HS1BP3: variants seen among roughly 807,000 people sequenced by gnomAD.
HS1BP3 encodes the protein HCLS1 binding protein 3, also known as HCLS1-binding protein 3.
A neutral mutation model predicts 33.5 loss-of-function variants in HS1BP3; 32 were observed. The observed-to-expected ratio is 0.95, with a 90% CI of 0.72 to 1.28. The LOEUF (loss-of-function observed/expected upper bound fraction) is 1.28. HS1BP3 is among the 50% of genes most tolerant of loss of function. The pLI is 0.00. For missense variants in HS1BP3, 486 were observed against 502.3 expected (o/e 0.97, Z 0.31); for synonymous variants, 187 against 209.2 (o/e 0.89, Z 0.92).
chr2:20,569,349 T>A (rs1014661590), intron 5 of HS1BP3, among the ~76,000 whole-genome samples: 30 of 152,322 alleles, frequency 2.0e-4, no homozygotes, highest in South Asian at 8.3e-4. Flanking sequence ...GCTGGGGCTT[T>A]TGTTGTTTTA....
chr2:20,598,386 G>A (rs1192189166), intron 2 of HS1BP3: 1 of 208,334 alleles, frequency 4.8e-6, no homozygotes, highest in Non-Finnish European at 1.1e-5. Context: ...ACTCCTGTGA[G>A]AATCTAATGC....
At chr2:20,615,849 C>T (rs374858222), downstream of HS1BP3, among the ~76,000 whole-genome samples, 6 of 152,190 alleles carry the variant, frequency 3.9e-5, no homozygotes, top group South Asian at 6.2e-4. Flanking sequence ...CAGAGGAGCC[C>T]GTGGGGCACA....
chr2:20,560,353 G>A (rs887213155), downstream of HS1BP3: 1 of 152,254 alleles, frequency 6.6e-6, no homozygotes, highest in African/African-American at 2.4e-5. Context: ...CACCATACTG[G>A]ATCTGCAGTG....
chr2:20,571,553 CG>C (rs1439708960), intron 5 of HS1BP3, among the ~76,000 whole-genome samples: 2 of 152,222 alleles, frequency 1.3e-5, no homozygotes, highest in Non-Finnish European at 2.9e-5. Context: ...CTGGCGCCAT[CG>C]GTTGGAAAAA....
chr2:20,649,047 A>T (rs76316214), intron 1 of HS1BP3, among the ~76,000 whole-genome samples: 8,004 of 152,232 alleles, frequency 0.053, 365 homozygotes, highest in African/African-American at 0.12. Context: ...CTACATGGAA[A>T]CCTACAAGCC....
chr2:20,599,399 A>G (rs2149282207), intron 2 of HS1BP3, among the ~76,000 whole-genome samples: 1 of 152,322 alleles, frequency 6.6e-6, no homozygotes, highest in East Asian at 1.9e-4. Flanking sequence ...CCAGTTAGGG[A>G]CGTGGCCTGT....
At chr2:20,621,500 T>C (rs988009227) in intron 6 of HS1BP3, among the ~76,000 whole-genome samples, 9 of 152,220 alleles carry the variant, frequency 5.9e-5, no homozygotes, top group African/African-American at 2.2e-4. Flanking sequence ...AGTCTGCTCC[T>C]GGCCACCTCA....
chr2:20,614,978 C>T (rs1025348082), downstream of HS1BP3, among the ~76,000 whole-genome samples: 3 of 152,208 alleles, frequency 2.0e-5, no homozygotes, highest in Non-Finnish European at 2.9e-5. Flanking sequence ...TGTGTCGCAG[C>T]GCCAGGCCTG....
At chr2:20,567,206 G>C (rs1352646736) in intron 5 of HS1BP3, among the ~76,000 whole-genome samples, 1 of 152,000 alleles carries the variant, frequency 6.6e-6, no homozygotes, top group Non-Finnish European at 1.5e-5. Flanking sequence ...CACATCCTTA[G>C]TAAGTGGCAG....
chr2:20,600,317 C>T (rs985424529), intron 2 of HS1BP3, among the ~76,000 whole-genome samples: 2 of 152,066 alleles, frequency 1.3e-5, no homozygotes, highest in African/African-American at 4.8e-5. Flanking sequence ...CCACTGAGGG[C>T]GAGGTTGGCT....
At chr2:20,575,844 GC>G (rs1396088480) in intron 5 of HS1BP3, among the ~76,000 whole-genome samples, 1 of 152,010 alleles carries the variant, frequency 6.6e-6, no homozygotes, top group African/African-American at 2.4e-5. Context: ...TGACTGTTAG[GC>G]CCTGATACCC....
chr2:20,589,557 C>G (rs1293862811), downstream of HS1BP3, among the ~76,000 whole-genome samples: 1 of 152,210 alleles, frequency 6.6e-6, no homozygotes, highest in Non-Finnish European at 1.5e-5. Context: ...TAAGCGGCAG[C>G]TGGTCAGTGA....
In HS1BP3 at chr2:20,624,819, C is replaced by T. The variant is rs183381441; in HGVS notation, c.697G>A (p.Glu233Lys). 58 of 1,613,830 alleles carry T rather than the reference C, an allele frequency of 3.6e-5. No individual in the cohort carries two copies. The highest frequency in any genetic ancestry group is 1.7e-4 in the Middle Eastern group (1 of 6,060). ...KPSPRLTIFD[E>K]EVDPDEGLFG... ...AGCCCCTCATCAGGGTCCACCTCCTCGTCAAAGATGGTGAGCCGGGGCGAG... is the reference window on the plus strand; with the variant it reads ...AGCCCCTCATCAGGGTCCACCTCCTTGTCAAAGATGGTGAGCCGGGGCGAG... The change falls in exon 5 of 7, where the codon GAG (glutamate) becomes AAG (lysine). Residue 233 changes from glutamate (E) to lysine (K), a missense_variant. By Grantham distance (56) the Glu-to-Lys change is moderately conservative. Transcript: ENST00000304031.
intron 4 of HS1BP3, among the ~76,000 whole-genome samples, chr2:20,631,822 G>T (rs1694977086): frequency 6.6e-6 from 1 of 152,134 alleles, no homozygotes; most frequent in African/African-American, 2.4e-5. Context: ...GGTCTCTGCA[G>T]CCTACATTCT....
At chr2:20,609,484 T>C (rs1014465081) in intron 2 of HS1BP3, among the ~76,000 whole-genome samples, 9 of 152,090 alleles carry the variant, frequency 5.9e-5, no homozygotes, top group African/African-American at 9.7e-5. Flanking sequence ...AGGGAGCACA[T>C]TGAACAGTTT....
intron 2 of HS1BP3, among the ~76,000 whole-genome samples, chr2:20,605,304 C>T (rs1304390352): frequency 6.6e-6 from 1 of 152,176 alleles, no homozygotes; most frequent in Non-Finnish European, 1.5e-5. Context: ...ATCCTCCACA[C>T]CCTTCAGGCT....
chr2:20,605,021 C>T (rs538018420), intron 2 of HS1BP3, among the ~76,000 whole-genome samples: 26 of 152,334 alleles, frequency 1.7e-4, no homozygotes, highest in Admixed American at 2.6e-4. Context: ...AGCCTTGAGT[C>T]TCTCTCTCAG....
chr2:20,599,360 C>T (rs1694018025), intron 2 of HS1BP3, among the ~76,000 whole-genome samples: 1 of 152,252 alleles, frequency 6.6e-6, no homozygotes, highest in Admixed American at 6.5e-5. Context: ...CGGGTGCACG[C>T]TGTCCCAGCG....
chr2:20,640,627 T>A, intron 3 of HS1BP3: 1 of 483,842 alleles, frequency 2.1e-6, no homozygotes, highest in South Asian at 5.5e-5. Context: ...CAGAGGGGAG[T>A]GTGGGGTGTG....
Sources: allele counts gnomAD v4.1 joint callset (sites outside exome capture counted in the v4.1 genomes callset), GRCh38; gene constraint gnomAD v4.1.1; transcripts MANE v1.5; gene names NCBI Gene and HGNC (gene_info 2026-07-23, HGNC 2026-07-21).